The following TM4SF4 variants were observed in gnomAD, a reference collection of about 807,000 sequenced individuals.
TM4SF4 encodes the protein transmembrane 4 L six family member 4, also known as transmembrane 4 L6 family member 4.
A neutral mutation model predicts 24.1 loss-of-function variants in TM4SF4; 24 were observed. The observed-to-expected ratio is 1.00, with a 90% CI of 0.72 to 1.40. TM4SF4 has a LOEUF of 1.40. Among genes scored for constraint, TM4SF4 ranks in the 40% most tolerant of loss-of-function variants. The pLI is 0.00. For synonymous variants in TM4SF4, 113 were observed against 97.0 expected, an observed-to-expected ratio of 1.17 and a Z score of -0.97; for missense variants, 254 against 254.2, an observed-to-expected ratio of 1.00 and a Z score of 0.01.
intron 1 of TM4SF4, 142 bp downstream of exon 1, chr3:149,475,193 AT>A (rs147546390): frequency 3.3e-6 from 3 of 905,170 alleles, no homozygotes; most frequent in Non-Finnish European, 4.8e-6. Flanking sequence ...CAATGCCTTA[AT>A]TTTTTTCTCG....
intron 3 of TM4SF4, among the ~76,000 whole-genome samples, chr3:149,490,310 A>T (rs1015291547): frequency 2.0e-5 from 3 of 152,216 alleles, no homozygotes; most frequent in African/African-American, 7.2e-5. Flanking sequence ...GCCAGCTCCA[A>T]ATCTTCCCTC....
At chr3:149,484,805 G>T (rs1488140583) in intron 2 of TM4SF4, among the ~76,000 whole-genome samples, 1 of 152,132 alleles carries the variant, frequency 6.6e-6, no homozygotes, top group Non-Finnish European at 1.5e-5. Context: ...ACCAGCCTCG[G>T]CCCCGCAAAG....
rs777545827 is a variant in TM4SF4 at position 149,498,737 on chromosome 3, T to A, written c.417T>A (p.Asp139Glu). The A allele has an allele frequency of 6.2e-7, 1 of 1,613,998 alleles. No homozygotes were observed. The highest frequency in any genetic ancestry group is 2.2e-5 in the East Asian group (1 of 44,874). The part of the protein sequence containing the change: ...YPFHDGDYLN[D>E]EALWNKCREP... ...TCACCAACAGGGATTATCTCAATGA[T>A]GAGGCCTTATGGAACAAGTGCCGAG... The change falls in exon 4 of 5, where the codon GAT becomes GAA. Residue 139 changes from aspartate (D) to glutamate (E), a missense_variant. Transcript: ENST00000305354.
intron 1 of TM4SF4, 64 bp from the exon 2 acceptor site, chr3:149,475,759 C>T (rs1367211034): frequency 2.1e-6 from 3 of 1,403,398 alleles, no homozygotes; most frequent in East Asian, 4.9e-5. Flanking sequence ...CTTATACAGT[C>T]AGGCAGGCTC....
chr3:149,482,013 A>G (rs1446951631), intron 2 of TM4SF4, among the ~76,000 whole-genome samples: 2 of 152,240 alleles, frequency 1.3e-5, no homozygotes, highest in East Asian at 3.8e-4. Context: ...ATGGGAAATT[A>G]TCCAAACCTT....
At chr3:149,499,558 C>G (rs1416556325) in intron 4 of TM4SF4, among the ~76,000 whole-genome samples, 1 of 152,102 alleles carries the variant, frequency 6.6e-6, no homozygotes, top group Non-Finnish European at 1.5e-5. Flanking sequence ...TATTCACACA[C>G]ATACACAAAG....
chr3:149,495,558 A>G, intron 3 of TM4SF4: 1 of 382,052 alleles, frequency 2.6e-6, no homozygotes, highest in Non-Finnish European at 5.2e-6. Context: ...CTTCAGTGTT[A>G]AGAACGCATC....
At chr3:149,477,589 C>A (rs1376576856) in intron 2 of TM4SF4, among the ~76,000 whole-genome samples, 1 of 152,176 alleles carries the variant, frequency 6.6e-6, no homozygotes, top group Non-Finnish European at 1.5e-5. Context: ...AATGTGCATA[C>A]ATTACAGTTT....
At chr3:149,493,894 C>T (rs187142372) in intron 3 of TM4SF4, among the ~76,000 whole-genome samples, 60 of 152,272 alleles carry the variant, frequency 3.9e-4, no homozygotes, top group Middle Eastern at 6.8e-3. Flanking sequence ...CCAGACAGAG[C>T]GCGCCAGCAA....
intron 4 of TM4SF4, among the ~76,000 whole-genome samples, chr3:149,501,322 C>CCCTT (rs1215646547): frequency 6.9e-6 from 1 of 144,490 alleles, no homozygotes; most frequent in Admixed American, 6.6e-5. Context: ...CCATTTTTTT[C>CCCTT]CCTTCCTTTC....
chr3:149,488,107 A>G (rs1314087671), intron 3 of TM4SF4, among the ~76,000 whole-genome samples: 1 of 152,230 alleles, frequency 6.6e-6, no homozygotes, highest in Non-Finnish European at 1.5e-5. Flanking sequence ...TTCATTACAA[A>G]TCTCATAATA....
In TM4SF4 at chr3:149,502,964, T is replaced by G; in HGVS notation, c.*271T>G. The G allele has an allele frequency of 2.8e-6, 1 of 357,678 alleles. No individual in the cohort carries two copies. The highest frequency in any genetic ancestry group is 5.0e-5 in the East Asian group (1 of 20,140). The allele number at this position is 357,678 out of a possible 1,614,324, so 22.2% of individuals were successfully genotyped here. ...ATTTACCAACAGGTTCAAAGCATAC[T>G]TTTCATGATTTTTTTATTACAAATG... is the stretch of plus-strand genomic sequence containing the variant. On this transcript the variant is annotated 3_prime_UTR_variant, in exon 5 of 5. Transcript: ENST00000305354.
In TM4SF4 at chr3:149,474,778, G is replaced by C. The variant is rs1733893124; in HGVS notation, c.-100G>C. 7.8e-7 allele frequency: 1 copy of C among 1,288,290 alleles called. No individual in the cohort carries two copies. Among genetic ancestry groups the C allele is most frequent in the Admixed American group, 2.8e-5 (1 of 36,234 alleles). 79.8% of individuals were successfully genotyped at this position (1,288,290 alleles called of 1,614,324 possible). A position where few individuals can be genotyped will look rare whatever the true frequency, so the allele number is the denominator to read the frequency against. On this transcript the variant is annotated 5_prime_UTR_variant, in exon 1 of 5. Transcript: ENST00000305354. The stretch of plus-strand genomic sequence containing the variant: ...GCCCCAAAATACTGATTGAATTGGA[G>C]ACAATTACAAGGACTCTCTGGCCAA...
chr3:149,486,792 T>C (rs911445564), intron 2 of TM4SF4, among the ~76,000 whole-genome samples: 2 of 152,170 alleles, frequency 1.3e-5, no homozygotes, highest in Non-Finnish European at 2.9e-5. Context: ...TAAAGACTGA[T>C]GCCAAATGGA....
intron 2 of TM4SF4, among the ~76,000 whole-genome samples, chr3:149,481,020 C>T (rs1734024936): frequency 6.6e-6 from 1 of 152,010 alleles, no homozygotes; most frequent in East Asian, 1.9e-4. Flanking sequence ...GCCACCACGC[C>T]CAGCTAATTT....
At chr3:149,485,204 C>A (rs1273321269) in intron 2 of TM4SF4, among the ~76,000 whole-genome samples, 2 of 152,196 alleles carry the variant, frequency 1.3e-5, no homozygotes, top group African/African-American at 4.8e-5. Flanking sequence ...GAAGTTTACA[C>A]AAATTCATGT....
At chr3:149,477,119 C>T (rs1733946714) in intron 2 of TM4SF4, among the ~76,000 whole-genome samples, 1 of 152,016 alleles carries the variant, frequency 6.6e-6, no homozygotes, top group Non-Finnish European at 1.5e-5. Flanking sequence ...ATTTTTTACC[C>T]TTTATAATCT....
intron 1 of TM4SF4, 90 bp downstream of exon 1, chr3:149,475,141 T>C: frequency 1.5e-6 from 2 of 1,375,350 alleles, no homozygotes; most frequent in Middle Eastern, 3.6e-4. Context: ...CAGGGAGATA[T>C]TTAGTTGGTA....
intron 4 of TM4SF4, among the ~76,000 whole-genome samples, chr3:149,500,026 G>T (rs1304123476): frequency 6.6e-6 from 1 of 152,150 alleles, no homozygotes; most frequent in Non-Finnish European, 1.5e-5. Context: ...TATCCAGCCA[G>T]TTCCCTCCAA....
Sources: allele counts gnomAD v4.1 joint callset (sites outside exome capture counted in the v4.1 genomes callset), GRCh38; gene constraint gnomAD v4.1.1; transcripts MANE v1.5; gene names NCBI Gene and HGNC (gene_info 2026-07-23, HGNC 2026-07-21).